The following PEBP4 variants were observed in gnomAD, a reference collection of about 807,000 sequenced individuals.
PEBP4 encodes phosphatidylethanolamine binding protein 4, also known as phosphatidylethanolamine-binding protein 4.
PEBP4 carries 22 observed loss-of-function variants against 23.9 expected under a neutral mutation model. The observed-to-expected ratio is 0.92, with a 90% CI of 0.66 to 1.31. The LOEUF is 1.31. Ranked by LOEUF, PEBP4 falls within the 40% of genes most tolerant of loss-of-function variation. The pLI is 0.00. For synonymous variants in PEBP4, 112 were observed against 99.3 expected, an observed-to-expected ratio of 1.13 and a Z score of -0.76; for missense variants, 324 against 281.7, an observed-to-expected ratio of 1.15 and a Z score of -1.07.
At chr8:22,821,713 C>T (rs550346155) in intron 3 of PEBP4, among the ~76,000 whole-genome samples, 2 of 152,034 alleles carry the variant, frequency 1.3e-5, no homozygotes, top group African/African-American at 4.8e-5. Context: ...GGGCCGGGTG[C>T]GGTGGCTCAT....
At chr8:22,939,083 A>G (rs541493661) in intron 1 of PEBP4, among the ~76,000 whole-genome samples, 7 of 152,306 alleles carry the variant, frequency 4.6e-5, no homozygotes, top group South Asian at 2.1e-4. Context: ...TTGAAATGTA[A>G]AAGTATAAAA....
At chr8:22,838,628 C>T (rs1271836831) in intron 3 of PEBP4, among the ~76,000 whole-genome samples, 1 of 152,262 alleles carries the variant, frequency 6.6e-6, no homozygotes, top group African/African-American at 2.4e-5. Flanking sequence ...CAGCGTTTGC[C>T]TAAAAGCTAG....
At chr8:22,826,859 C>T (rs1050713975) in intron 3 of PEBP4, among the ~76,000 whole-genome samples, 4 of 152,254 alleles carry the variant, frequency 2.6e-5, no homozygotes, top group South Asian at 2.1e-4. Context: ...ATGTGAATAC[C>T]TATTACCTGC....
At chr8:22,756,231 C>T (rs1347012033) in intron 4 of PEBP4, among the ~76,000 whole-genome samples, 1 of 152,190 alleles carries the variant, frequency 6.6e-6, no homozygotes, top group Non-Finnish European at 1.5e-5. Flanking sequence ...GCTGGCGCCT[C>T]CTTCTGGCCT....
chr8:22,769,928 C>A (rs912595629), intron 4 of PEBP4, among the ~76,000 whole-genome samples: 1 of 152,158 alleles, frequency 6.6e-6, no homozygotes, highest in African/African-American at 2.4e-5. Context: ...TGCTCAGGAA[C>A]CTGCATCTCC....
At chr8:22,774,843 A>G (rs767977983) in intron 4 of PEBP4, among the ~76,000 whole-genome samples, 9 of 151,982 alleles carry the variant, frequency 5.9e-5, no homozygotes, top group Non-Finnish European at 8.8e-5. Context: ...CTGTTGCCAT[A>G]TGGAAAGAAA....
intron 3 of PEBP4, among the ~76,000 whole-genome samples, chr8:22,898,862 G>T (rs1362928895): frequency 6.6e-6 from 1 of 152,204 alleles, no homozygotes; most frequent in Non-Finnish European, 1.5e-5. Flanking sequence ...CCCCCTTACT[G>T]CCCAGGAGGG....
At chr8:22,867,400 C>T (rs1019567471) in intron 3 of PEBP4, among the ~76,000 whole-genome samples, 67 of 152,260 alleles carry the variant, frequency 4.4e-4, no homozygotes, top group East Asian at 1.9e-3. Flanking sequence ...GCGAAGATGT[C>T]GTGTCAATAA....
At chr8:22,766,286 C>T (rs1046276476) in intron 4 of PEBP4, among the ~76,000 whole-genome samples, 2 of 152,232 alleles carry the variant, frequency 1.3e-5, no homozygotes, top group Non-Finnish European at 2.9e-5. Context: ...CGACAGGTCA[C>T]AGGCATCTGG....
At chr8:22,728,539 CCTTCCTTTCTTTCTTTCTTT>C (rs1804663299) in intron 4 of PEBP4, among the ~76,000 whole-genome samples, 2 of 113,186 alleles carry the variant, frequency 1.8e-5, no homozygotes, top group African/African-American at 3.3e-5. Flanking sequence ...CTTCTTTCTT[CCTTCCTTTCTTTCTTTCTTT>C]CTTCCTTCCT....
At chr8:22,897,317 G>C (rs1186997960) in intron 3 of PEBP4, among the ~76,000 whole-genome samples, 1 of 152,160 alleles carries the variant, frequency 6.6e-6, no homozygotes, top group African/African-American at 2.4e-5. Flanking sequence ...GATGCGTTCA[G>C]AAGCACAGAT....
rs538633446 is a variant in PEBP4 at position 22,927,600 on chromosome 8, C to T, written c.115G>A (p.Asp39Asn). Reference sequence around the variant, plus strand: ...CTGACTTACTGGCAAAAGAGGGTGTCCTCGTCCAAGAGGGCCTCATGGGCA... The same window carrying T: ...CTGACTTACTGGCAAAAGAGGGTGTTCTCGTCCAAGAGGGCCTCATGGGCA... ...PCAHEALLDE[D>N]TLFCQGLEVF... is the part of the protein sequence containing the mutation. Residue 39 changes from aspartate (D) to asparagine (N), a missense_variant, in exon 2 of 7, where the codon GAC (aspartate) becomes AAC (asparagine). Coordinates refer to ENST00000256404, the MANE Select transcript of PEBP4 (RefSeq NM_144962.3). 9 of 1,611,618 alleles carry T rather than the reference C, an allele frequency of 5.6e-6. No homozygotes were observed. In the East Asian group the frequency reaches 1.8e-4, roughly 32 times the overall value.
chr8:22,824,385 C>T (rs76905997), intron 3 of PEBP4, among the ~76,000 whole-genome samples: 3,328 of 152,220 alleles, frequency 0.022, 38 homozygotes, highest in Middle Eastern at 0.034. Context: ...TGATGTTCCC[C>T]GTGGCCCCTC....
chr8:22,759,366 T>C (rs1452539801), intron 4 of PEBP4, among the ~76,000 whole-genome samples: 3 of 151,706 alleles, frequency 2.0e-5, no homozygotes, highest in Admixed American at 6.6e-5. Flanking sequence ...TTTTTTTTTT[T>C]CCTCAACAAA....
At chr8:22,871,469 C>T (rs1808005675) in intron 3 of PEBP4, among the ~76,000 whole-genome samples, 1 of 149,856 alleles carries the variant, frequency 6.7e-6, no homozygotes, top group Admixed American at 6.6e-5. Context: ...CTTTTTTTTT[C>T]ATTTTTATTT....
intron 3 of PEBP4, among the ~76,000 whole-genome samples, chr8:22,883,621 C>T (rs1042689460): frequency 2.6e-5 from 4 of 152,276 alleles, no homozygotes; most frequent in African/African-American, 9.6e-5. Flanking sequence ...TTGAACCTTG[C>T]GTGGTGTTAC....
chr8:22,929,373 AAATGGCATCCACTAG>A (rs1809417652), upstream of PEBP4, among the ~76,000 whole-genome samples: 1 of 152,244 alleles, frequency 6.6e-6, no homozygotes, highest in African/African-American at 2.4e-5. Flanking sequence ...CTCATCTTCC[AAATGGCATCCACTAG>A]AGAAGTCTCA....
chr8:22,932,716 G>C (rs866084956), upstream of PEBP4, among the ~76,000 whole-genome samples: 38 of 152,144 alleles, frequency 2.5e-4, no homozygotes, highest in Middle Eastern at 0.01. Context: ...CAAAATAATA[G>C]GAATTTTTCC....
intron 3 of PEBP4, among the ~76,000 whole-genome samples, chr8:22,821,107 C>T (rs1377675430): frequency 6.6e-6 from 1 of 151,982 alleles, no homozygotes; most frequent in South Asian, 2.1e-4. Flanking sequence ...GTGGAAGGAT[C>T]GCTTGAGCCC....
Sources: allele counts gnomAD v4.1 joint callset (sites outside exome capture counted in the v4.1 genomes callset), GRCh38; gene constraint gnomAD v4.1.1; transcripts MANE v1.5; gene names NCBI Gene and HGNC (gene_info 2026-07-23, HGNC 2026-07-21).